The following MFGE8 variants were observed in gnomAD, a reference collection of about 807,000 sequenced individuals.
The protein encoded by MFGE8 is lactadherin.
MFGE8 carries 34 observed loss-of-function variants against 42.6 expected under a neutral mutation model. That is an observed-to-expected ratio of 0.80 (90% CI 0.61 to 1.06). The LOEUF is 1.06. Among genes scored for constraint, MFGE8 ranks in the 50% least tolerant of loss-of-function variants. The pLI, the probability that MFGE8 is intolerant of heterozygous loss-of-function variation, is 0.00. For synonymous variants in MFGE8, 230 were observed against 214.8 expected, an observed-to-expected ratio of 1.07 and a Z score of -0.62; for missense variants, 510 against 516.9, an observed-to-expected ratio of 0.99 and a Z score of 0.13.
chr15:88,907,299 A>G lies in MFGE8; in HGVS notation c.283T>C (p.Phe95Leu), dbSNP rs1038356614. 1.9e-6 allele frequency: 3 copies of G among 1,614,086 alleles called. No individual in the cohort carries two copies. In the African/African-American group the frequency reaches 4.0e-5, roughly 22 times the overall value. Residue 95 changes from phenylalanine (F) to leucine (L), a missense_variant, in exon 3 of 8, where the codon TTC becomes CTC. Transcript: ENST00000268150. Reference sequence around the variant, plus strand: ...GGGACCCAATGCTGCAAACCCAAGAAGGTCACACGCACAGACGAGGCGGCG... The same window carrying G: ...GGGACCCAATGCTGCAAACCCAAGAGGGTCACACGCACAGACGAGGCGGCG... ...QIAASSVRVT[F>L]LGLQHWVPEL...
rs909338079 is a variant in MFGE8 at position 88,906,118 on chromosome 15, T to C, written c.541-217A>G. The C allele has an allele frequency of 1.5e-5, 9 of 612,720 alleles. No homozygotes were observed. The highest frequency in any genetic ancestry group is 2.3e-5 in the Non-Finnish European group (8 of 345,584). 38.0% of individuals were successfully genotyped at this position (612,720 alleles called of 1,614,324 possible). A position where few individuals can be genotyped will look rare whatever the true frequency, so the allele number is the denominator to read the frequency against. The stretch of plus-strand genomic sequence containing the variant: ...CTCCTCTCACTTTCCTTAATCATCA[T>C]GGAGCCTGGGCATAAACCCCTATAG... On this transcript the variant is annotated intron_variant, in intron 4 of 7. Transcript: ENST00000268150. This position sits in a 1 kb window ranked among gnomAD's most constrained non-coding sequence, Gnocchi z 4.2.
intron 1 of MFGE8, 72 bp from the exon 2 acceptor site, chr15:88,909,995 TG>T: frequency 6.3e-7 from 1 of 1,593,590 alleles, no homozygotes; most frequent in South Asian, 1.1e-5. Flanking sequence ...AAGTAGCAGA[TG>T]GGTCCAGCCC....
intron 1 of MFGE8, among the ~76,000 whole-genome samples, chr15:88,911,681 C>T (rs1236544687): frequency 2.0e-5 from 3 of 151,804 alleles, no homozygotes; most frequent in South Asian, 2.1e-4. Context: ...GAGCCAAGAC[C>T]GCGCCACTGC....
rs1567213042 is a variant in MFGE8 at position 88,899,770 on chromosome 15, G to A, written c.912C>T (p.Thr304=). 3 of 1,614,072 alleles carry A rather than the reference G, an allele frequency of 1.9e-6. No individual in the cohort carries two copies. Among genetic ancestry groups the A allele is most frequent in the Non-Finnish European group, 2.5e-6 (3 of 1,179,962 alleles). ...CAGAGCCAAAGTTACGGGCCCCCTG[G>A]GTGATGATGCCTGTCACCTCCTTCG... is the stretch of plus-strand genomic sequence containing the variant. ...GSSKEVTGII[T]QGARNFGSVQ... Residue 304 remains threonine (T), a synonymous_variant, in exon 7 of 8, where the codon ACC becomes ACT. Coordinates refer to ENST00000268150, the MANE Select transcript of MFGE8 (RefSeq NM_005928.4). This position sits in a 1 kb window ranked among gnomAD's most constrained non-coding sequence, Gnocchi z 6.8.
chr15:88,906,113 C>A lies in MFGE8; in HGVS notation c.541-212G>T. 1 of 618,142 alleles carries A rather than the reference C, an allele frequency of 1.6e-6. No homozygotes were observed. 38.3% of individuals were successfully genotyped at this position (618,142 alleles called of 1,614,324 possible). A position where few individuals can be genotyped will look rare whatever the true frequency, so the allele number is the denominator to read the frequency against. ...AGATTCTCCTCTCACTTTCCTTAAT[C>A]ATCATGGAGCCTGGGCATAAACCCC... On this transcript the variant is annotated intron_variant, in intron 4 of 7. Coordinates refer to ENST00000268150, the MANE Select transcript of MFGE8 (RefSeq NM_005928.4). This position sits in a 1 kb window ranked among gnomAD's most constrained non-coding sequence, Gnocchi z 4.2.
At chr15:88,912,211 GCT>G in intron 1 of MFGE8, 2 of 1,289,810 alleles carry the variant, frequency 1.6e-6, no homozygotes, top group Non-Finnish European at 2.0e-6. Context: ...TCAGAGTCCT[GCT>G]CTTTCGGGGA....
chr15:88,906,582 G>T lies in MFGE8; in HGVS notation c.540+44C>A, dbSNP rs773305257. 4 of 1,611,352 alleles carry T rather than the reference G, an allele frequency of 2.5e-6. No homozygotes were observed. The South Asian group carries it at 4.4e-5, about 18-fold the overall frequency. Reference sequence around the variant, plus strand: ...CCTCAGTCAATGCTAGAACCTTAGGGGGTATGGACCACAGCCCTTCTTTCG... The same window carrying T: ...CCTCAGTCAATGCTAGAACCTTAGGTGGTATGGACCACAGCCCTTCTTTCG... On this transcript the variant is annotated intron_variant, in intron 4 of 7. Transcript: ENST00000268150. This position sits in a 1 kb window ranked among gnomAD's most constrained non-coding sequence, Gnocchi z 4.2.
chr15:88,910,023 CA>C (rs1898886147), intron 1 of MFGE8, 100 bp from the exon 2 acceptor site: 8 of 1,438,160 alleles, frequency 5.6e-6, no homozygotes, highest in African/African-American at 1.4e-5. Flanking sequence ...ACCCTCCACT[CA>C]AACTCGCCCA....
Position 88,903,446 on chromosome 15 carries a change from T to A in MFGE8, c.686-1711A>T, listed in dbSNP as rs1389367509. The A allele has an allele frequency of 6.6e-6, 1 of 151,890 alleles. No individual in the cohort carries two copies. Among genetic ancestry groups the A allele is most frequent in the Non-Finnish European group, 1.5e-5 (1 of 67,960 alleles). 9.4% of individuals were successfully genotyped at this position (151,890 alleles called of 1,614,324 possible). ...AAAAAAGCTTATGTTTCAGCAAGTC[T>A]AGGCTGGGGCTTTCAGTCTGTATTT... On this transcript the variant is annotated intron_variant, in intron 5 of 7. Coordinates refer to ENST00000268150, the MANE Select transcript of MFGE8 (RefSeq NM_005928.4). This position sits in a 1 kb window ranked among gnomAD's most constrained non-coding sequence, Gnocchi z 4.9.
Position 88,905,677 on chromosome 15 carries a change from G to C in MFGE8, c.685+80C>G. ...TTGCTGCCCTACCTAGCTCAGTTTG[G>C]CTGAGAAAAGAGGCAGCAGGGAGGG... is the stretch of plus-strand genomic sequence containing the variant. On this transcript the variant is annotated intron_variant, in intron 5 of 7. Coordinates refer to ENST00000268150, the MANE Select transcript of MFGE8 (RefSeq NM_005928.4). The surrounding 1 kb of genome is among the most constrained non-coding windows in gnomAD (Gnocchi z 6.6). 1 of 1,590,792 alleles carries C rather than the reference G, an allele frequency of 6.3e-7. No individual in the cohort carries two copies. Among genetic ancestry groups the C allele is most frequent in the Non-Finnish European group, 8.6e-7 (1 of 1,162,648 alleles).
chr15:88,899,352 G>C lies in MFGE8; in HGVS notation c.*43C>G, dbSNP rs75806462. 106 of 1,612,052 alleles carry C rather than the reference G, an allele frequency of 6.6e-5. No homozygotes were observed. The highest frequency in any genetic ancestry group is 8.2e-5 in the Non-Finnish European group (97 of 1,179,820). On this transcript the variant is annotated 3_prime_UTR_variant, in exon 8 of 8. Transcript: ENST00000268150. The surrounding 1 kb of genome is among the most constrained non-coding windows in gnomAD (Gnocchi z 6.8). ...AGGGGCTGAGAAGCCAAGAGGCAGC[G>C]GGCCCATGGAAAGCAGGAAGACCTG...
Position 88,913,373 on chromosome 15 carries a change from G to A in MFGE8, c.-54C>T, listed in dbSNP as rs1437267053. 8 of 1,268,392 alleles carry A rather than the reference G, an allele frequency of 6.3e-6. No individual in the cohort carries two copies. The highest frequency in any genetic ancestry group is 1.6e-5 in the African/African-American group (1 of 63,716). 78.6% of individuals were successfully genotyped at this position (1,268,392 alleles called of 1,614,324 possible). On this transcript the variant is annotated 5_prime_UTR_variant, in exon 1 of 8. Transcript: ENST00000268150. The stretch of plus-strand genomic sequence containing the variant: ...CACGCTGGGCTGCTCAGACCCCGCG[G>A]GGTTCTGGCGCCTTCTCCTCTGGGA...
At position 88,905,932 on chromosome 15, in the gene MFGE8, G is replaced by C. The variant is rs763036280; in HGVS notation, c.541-31C>G. ...AGGGAAGGGACAAGACTGGAGAAGG[G>C]GGTCCATCTGAGCAGTCCCCCTCCC... On this transcript the variant is annotated intron_variant, in intron 4 of 7. Transcript: ENST00000268150. The surrounding 1 kb of genome is among the most constrained non-coding windows in gnomAD (Gnocchi z 6.6). The C allele has an allele frequency of 1.2e-5, 19 of 1,613,798 alleles. No homozygotes were observed. Among genetic ancestry groups the C allele is most frequent in the African/African-American group, 2.7e-5 (2 of 74,908 alleles).
chr15:88,899,361 G>T lies in MFGE8; in HGVS notation c.*34C>A. 2 of 1,613,160 alleles carry T rather than the reference G, an allele frequency of 1.2e-6. No individual in the cohort carries two copies. Among genetic ancestry groups the T allele is most frequent in the South Asian group, 1.1e-5 (1 of 91,070 alleles). On this transcript the variant is annotated 3_prime_UTR_variant, in exon 8 of 8. Coordinates refer to ENST00000268150, the MANE Select transcript of MFGE8 (RefSeq NM_005928.4). The surrounding 1 kb of genome is among the most constrained non-coding windows in gnomAD (Gnocchi z 6.8). Reference sequence around the variant, plus strand: ...GAAGCCAAGAGGCAGCGGGCCCATGGAAAGCAGGAAGACCTGGGGGTGGCA... The same window carrying T: ...GAAGCCAAGAGGCAGCGGGCCCATGTAAAGCAGGAAGACCTGGGGGTGGCA...
chr15:88,907,342 G>A lies in MFGE8; in HGVS notation c.240C>T (p.Asn80=). The A allele has an allele frequency of 6.2e-7, 1 of 1,614,212 alleles. No individual in the cohort carries two copies. Among genetic ancestry groups the A allele is most frequent in the Middle Eastern group, 1.6e-4 (1 of 6,062 alleles). ...AGGCGGCGATCTGTGAGTTGGCAAT[G>A]TTCCCATTCTCCAGGCCCAGTGGCT... ...CVEPLGLENG[N]IANSQIAASS... Residue 80 remains asparagine, a synonymous_variant, in exon 3 of 8, where the codon AAC becomes AAT. Coordinates refer to ENST00000268150, the MANE Select transcript of MFGE8 (RefSeq NM_005928.4).
rs867984157 is a variant in MFGE8 at position 88,905,955 on chromosome 15, C to T, written c.541-54G>A. ...GGGGGTCCATCTGAGCAGTCCCCCT[C>T]CCTGGGGTTACCTCATCTTCCTCTT... On this transcript the variant is annotated intron_variant, in intron 4 of 7. Coordinates refer to ENST00000268150, the MANE Select transcript of MFGE8 (RefSeq NM_005928.4). This position sits in a 1 kb window ranked among gnomAD's most constrained non-coding sequence, Gnocchi z 6.6. 6.2e-6 allele frequency: 10 copies of T among 1,603,830 alleles called. No individual in the cohort carries two copies. Among genetic ancestry groups the T allele is most frequent in the Middle Eastern group, 1.7e-4 (1 of 5,936 alleles).
At chr15:88,901,123 TCACA>T (rs372663455) in intron 6 of MFGE8, among the ~76,000 whole-genome samples, 5,021 of 61,330 alleles carry the variant, frequency 0.082, 424 homozygotes, top group Middle Eastern at 0.13. Flanking sequence ...ACATACACAT[TCACA>T]CACACACATT....
chr15:88,900,243 G>GAA (rs5814347), intron 6 of MFGE8, among the ~76,000 whole-genome samples: 3 of 106,956 alleles, frequency 2.8e-5, no homozygotes, highest in Admixed American at 9.1e-5. Flanking sequence ...CTCTGTCTCA[G>GAA]AAAAAAAAAA....
At chr15:88,910,406 A>C (rs1596203760) in intron 1 of MFGE8, 1 of 246,040 alleles carries the variant, frequency 4.1e-6, no homozygotes, top group Non-Finnish European at 8.0e-6. Context: ...CACAGATGTC[A>C]CCTCCAATGG....
Sources: gnomAD v4.1 joint callset for allele counts (sites outside exome capture counted in the v4.1 genomes callset) on GRCh38, gnomAD v4.1.1 for gene constraint, Gnocchi (gnomAD v3.1) non-coding constraint, MANE v1.5 for transcripts, NCBI Gene and HGNC (gene_info 2026-07-23, HGNC 2026-07-21) for gene names.